LINC00632: variants seen among roughly 807,000 people sequenced by gnomAD.
LINC00632 encodes the protein long independently transcribed non-coding RNA 632, also known as ALDOA related specific transcript.
chrX:140,768,959 A>G (rs987336652), intron 3 of LINC00632, among the ~76,000 whole-genome samples: 6 of 107,467 alleles, frequency 5.6e-5, no homozygotes, highest in Non-Finnish European at 9.5e-5. Flanking sequence ...GGATGATGAG[A>G]TTCCATAGAT....
chrX:140,780,999 T>C (rs774510629), exon 5 of LINC00632, among the ~76,000 whole-genome samples: 2 of 110,664 alleles, frequency 1.8e-5, no homozygotes, highest in Non-Finnish European at 3.8e-5. Flanking sequence ...TGGCTTTCCT[T>C]ATGTACGGTT....
At chrX:140,747,043 AT>A (rs1931336747) in intron 3 of LINC00632, among the ~76,000 whole-genome samples, 1 of 112,200 alleles carries the variant, frequency 8.9e-6, no homozygotes, top group Admixed American at 9.5e-5. Context: ...GGAAAGGTAA[AT>A]ACATTTTCCC....
intron 2 of LINC00632, among the ~76,000 whole-genome samples, chrX:140,713,311 C>A (rs1008513518): frequency 8.2e-5 from 9 of 110,242 alleles, no homozygotes; most frequent in Non-Finnish European, 3.8e-5. Flanking sequence ...GCCCTCAGGG[C>A]CCCGAGGGGA....
chrX:140,772,316 C>T (rs1931812321), exon 4 of LINC00632: 1 of 296,734 alleles, frequency 3.4e-6, no homozygotes. Context: ...TTATTGTTGC[C>T]TCTGCAGCCA....
exon 5 of LINC00632, among the ~76,000 whole-genome samples, chrX:140,775,332 A>C (rs1931857853): frequency 8.9e-6 from 1 of 112,065 alleles, no homozygotes; most frequent in Non-Finnish European, 1.9e-5. Context: ...GGTTGTTTTA[A>C]TTTTGGATGT....
At chrX:140,773,238 C>T (rs984254961) in exon 4 of LINC00632, among the ~76,000 whole-genome samples, 1 of 108,341 alleles carries the variant, frequency 9.2e-6, no homozygotes, top group African/African-American at 3.6e-5. Context: ...GAAGCTGTGG[C>T]CTGTAATGAA....
intron 2 of LINC00632, among the ~76,000 whole-genome samples, chrX:140,730,979 G>A (rs758000164): frequency 9.1e-6 from 1 of 109,426 alleles, no homozygotes; most frequent in Non-Finnish European, 1.9e-5. Context: ...TCGGCTCACT[G>A]TAACCTCCAT....
At chrX:140,758,372 CTTTT>C (rs35668777) in intron 3 of LINC00632, among the ~76,000 whole-genome samples, 88 of 69,777 alleles carry the variant, frequency 1.3e-3, no homozygotes, top group African/African-American at 3.6e-3. Context: ...CTACATTTTC[CTTTT>C]TTTTTTTTTT....
chrX:140,742,674 C>A (rs73637752), intron 3 of LINC00632, among the ~76,000 whole-genome samples: 1,491 of 110,289 alleles, frequency 0.014, 25 homozygotes, highest in African/African-American at 0.047. Flanking sequence ...GATTCTATAT[C>A]CTGAGATTTG....
At chrX:140,742,868 AG>A (rs1569351753) in intron 3 of LINC00632, among the ~76,000 whole-genome samples, 135 of 95,578 alleles carry the variant, frequency 1.4e-3, no homozygotes, top group African/African-American at 5.3e-3. Flanking sequence ...AGAGAGAGAG[AG>A]AGAGAGAGAG....
intron 3 of LINC00632, among the ~76,000 whole-genome samples, chrX:140,752,318 G>A (rs1294929192): frequency 8.9e-6 from 1 of 111,737 alleles, no homozygotes; most frequent in Non-Finnish European, 1.9e-5. Flanking sequence ...AAAGCCCCTA[G>A]ATGTTTTGTG....
chrX:140,763,030 T>C (rs754224031), intron 3 of LINC00632, among the ~76,000 whole-genome samples: 4 of 111,772 alleles, frequency 3.6e-5, no homozygotes, highest in Non-Finnish European at 7.5e-5. Context: ...ATGTATAAAT[T>C]ACTAAAAATC....
chrX:140,741,160 T>C (rs1440437092), intron 3 of LINC00632, among the ~76,000 whole-genome samples: 2 of 112,077 alleles, frequency 1.8e-5, no homozygotes, highest in African/African-American at 6.5e-5. Context: ...GAAATTCCAG[T>C]GAAAGTACAT....
At chrX:140,752,892 T>C (rs750756458) in intron 3 of LINC00632, among the ~76,000 whole-genome samples, 35 of 111,624 alleles carry the variant, frequency 3.1e-4, no homozygotes, top group Admixed American at 1.2e-3. Flanking sequence ...CTGAAATTGA[T>C]GGTTGAGGAG....
At position 140,785,184 on chromosome X, in the gene LINC00632, T is replaced by TATAATAATA. The variant is rs777271354; in HGVS notation, n.13220_13228dup. Among the ~76,000 whole-genome samples, 34 of 104,803 alleles carry TATAATAATA rather than the reference T, an allele frequency of 3.2e-4. 1 individual carries two copies. The highest frequency in any genetic ancestry group is 1.2e-3 in the African/African-American group (34 of 28,919). 91.0% of individuals were successfully genotyped at this position (104,803 alleles called of 115,157 possible). A position where few individuals can be genotyped will look rare whatever the true frequency, so the allele number is the denominator to read the frequency against. The stretch of plus-strand genomic sequence containing the variant: ...TTACATGACCAAAGAATAATAATAA[T>TATAATAATA]ATAATAATAATAATAATAATAATAA... On this transcript the variant is annotated non_coding_transcript_exon_variant, in exon 5 of 5. Transcript: ENST00000648200.
chrX:140,772,975 G>A (rs1417405536), exon 4 of LINC00632, among the ~76,000 whole-genome samples: 1 of 111,616 alleles, frequency 9.0e-6, no homozygotes. Flanking sequence ...CAACTAGCCT[G>A]GCCAACATGG....
At chrX:140,724,987 TCAGA>T (rs1488008098) in intron 2 of LINC00632, among the ~76,000 whole-genome samples, 12 of 4,738 alleles carry the variant, frequency 2.5e-3, no homozygotes, top group Non-Finnish European at 2.0e-3. Flanking sequence ...TTACACACAC[TCAGA>T]CACATTCCAC....
At chrX:140,783,850 C>T (rs1419011296) in exon 5 of LINC00632, 2 of 1,210,373 alleles carry the variant, frequency 1.7e-6, no homozygotes, top group East Asian at 5.9e-5. Flanking sequence ...CCCAGTCTTC[C>T]AGAAAATCCA....
chrX:140,788,950 TA>T, exon 5 of LINC00632, among the ~76,000 whole-genome samples: 1 of 105,931 alleles, frequency 9.4e-6, no homozygotes, highest in East Asian at 2.9e-4. Flanking sequence ...AGGGTGGGCT[TA>T]TTTTTTGTTA....
Sources: allele counts gnomAD v4.1 joint callset (sites outside exome capture counted in the v4.1 genomes callset), GRCh38; gene constraint gnomAD v4.1.1; transcripts MANE v1.5; gene names NCBI Gene and HGNC (gene_info 2026-07-23, HGNC 2026-07-21).